Variants in GRM7 observed in about 807,000 individuals in gnomAD.
GRM7 encodes glutamate metabotropic receptor 7.
GRM7 carries 35 observed loss-of-function variants against 84.5 expected under a neutral mutation model. The observed-to-expected ratio is 0.41, with a 90% CI of 0.32 to 0.55. The LOEUF is 0.55. Ranked by LOEUF, GRM7 falls within the 20% of genes least tolerant of loss-of-function variation. GRM7 has a pLI of 0.19. For synonymous variants in GRM7, 487 were observed against 455.1 expected, an observed-to-expected ratio of 1.07 and a Z score of -0.89; for missense variants, 1,003 against 1,194.6, an observed-to-expected ratio of 0.84 and a Z score of 2.36.
intron 2 of GRM7, among the ~76,000 whole-genome samples, chr3:7,256,491 G>A (rs1225260429): frequency 6.6e-6 from 1 of 152,180 alleles, no homozygotes; most frequent in African/African-American, 2.4e-5. Context: ...GCTGACTGGA[G>A]TATCTGTGTG....
intron 4 of GRM7, among the ~76,000 whole-genome samples, chr3:7,352,967 C>G (rs998193151): frequency 6.6e-6 from 1 of 152,138 alleles, no homozygotes; most frequent in Non-Finnish European, 1.5e-5. Flanking sequence ...TGTAAGCCAG[C>G]CAATGGCTTG....
chr3:7,595,633 T>C (rs1456332190), intron 8 of GRM7, among the ~76,000 whole-genome samples: 1 of 151,948 alleles, frequency 6.6e-6, no homozygotes, highest in Non-Finnish European at 1.5e-5. Flanking sequence ...AGGGATGCCA[T>C]CTTGGAGGTG....
intron 1 of GRM7, among the ~76,000 whole-genome samples, chr3:6,912,582 T>C (rs2125019277): frequency 6.6e-6 from 1 of 152,304 alleles, no homozygotes; most frequent in Admixed American, 6.5e-5. Flanking sequence ...ACAGATCAGC[T>C]GATTCTATGG....
At chr3:7,569,678 G>T (rs974847576) in intron 7 of GRM7, among the ~76,000 whole-genome samples, 12 of 152,130 alleles carry the variant, frequency 7.9e-5, no homozygotes, top group African/African-American at 2.9e-4. Context: ...CACTCACCAT[G>T]AAGGTCTACA....
chr3:7,312,145 T>G (rs151229675), intron 4 of GRM7, among the ~76,000 whole-genome samples: 86 of 152,286 alleles, frequency 5.6e-4, no homozygotes, highest in African/African-American at 1.8e-3. Flanking sequence ...TGGTAGCATT[T>G]AGGACACTAG....
At chr3:7,675,113 T>C (rs1700075880) in intron 8 of GRM7, among the ~76,000 whole-genome samples, 1 of 152,208 alleles carries the variant, frequency 6.6e-6, no homozygotes, top group Admixed American at 6.5e-5. Context: ...TGTTACATCA[T>C]TTTTATGGAA....
intron 8 of GRM7, among the ~76,000 whole-genome samples, chr3:7,615,407 T>C (rs935327542): frequency 3.3e-5 from 5 of 151,712 alleles, no homozygotes; most frequent in Non-Finnish European, 7.3e-5. Flanking sequence ...GTTTTGGTCA[T>C]TTTCTCTTGA....
At chr3:7,328,585 A>T (rs981556360) in intron 4 of GRM7, among the ~76,000 whole-genome samples, 1 of 152,122 alleles carries the variant, frequency 6.6e-6, no homozygotes, top group African/African-American at 2.4e-5. Context: ...GACAATAGAG[A>T]ATGCAATTCA....
intron 8 of GRM7, among the ~76,000 whole-genome samples, chr3:7,645,953 T>A (rs1344011902): frequency 6.6e-6 from 1 of 152,236 alleles, no homozygotes; most frequent in Non-Finnish European, 1.5e-5. Flanking sequence ...TTGGTTGTTT[T>A]AATCAGAAGG....
intron 8 of GRM7, among the ~76,000 whole-genome samples, chr3:7,643,905 T>A (rs1698482187): frequency 6.6e-6 from 1 of 152,018 alleles, no homozygotes; most frequent in Non-Finnish European, 1.5e-5. Context: ...GAGATATGAA[T>A]AATGGTTATC....
At chr3:7,159,195 A>G (rs1694546160) in intron 2 of GRM7, among the ~76,000 whole-genome samples, 1 of 152,230 alleles carries the variant, frequency 6.6e-6, no homozygotes, top group African/African-American at 2.4e-5. Flanking sequence ...AGAAATGTTG[A>G]TTTTAATGAA....
chr3:7,174,185 A>C (rs539332456), intron 2 of GRM7, among the ~76,000 whole-genome samples: 12 of 152,252 alleles, frequency 7.9e-5, no homozygotes, highest in African/African-American at 2.4e-4. Flanking sequence ...TGATGGAAAA[A>C]CACAATGTTT....
At chr3:6,944,077 TG>T (rs1697978525) in intron 1 of GRM7, among the ~76,000 whole-genome samples, 1 of 152,094 alleles carries the variant, frequency 6.6e-6, no homozygotes, top group South Asian at 2.1e-4. Flanking sequence ...AAACTTTTTT[TG>T]TGAATTCCAC....
intron 9 of GRM7, among the ~76,000 whole-genome samples, chr3:7,682,770 G>A (rs1240863572): frequency 6.6e-6 from 1 of 152,074 alleles, no homozygotes; most frequent in Non-Finnish European, 1.5e-5. Context: ...GCTTTTTTGG[G>A]TATGACATTG....
chr3:7,109,856 G>A (rs1574916227), intron 1 of GRM7, among the ~76,000 whole-genome samples: 2 of 152,086 alleles, frequency 1.3e-5, no homozygotes, highest in African/African-American at 4.8e-5. Flanking sequence ...GTTGTGGATA[G>A]TATGTTCATG....
rs146288862 is a variant in GRM7 at position 7,271,765 on chromosome 3, T to C, written c.737-26919T>C. 4.4e-3 allele frequency among the ~76,000 whole-genome samples: 672 copies of C among 152,102 alleles called. 6 individuals are homozygous for C. Among genetic ancestry groups the C allele is most frequent in the Admixed American group, 0.01 (155 of 15,278 alleles). ...AAACAATAATAGGAAGAAAAGAAAATACAAAACCAAAGCCACTTGAGAAAG... is the reference window on the plus strand; with the variant it reads ...AAACAATAATAGGAAGAAAAGAAAACACAAAACCAAAGCCACTTGAGAAAG... On this transcript the variant is annotated intron_variant, in intron 2 of 9. Transcript: ENST00000357716.
At chr3:7,643,543 G>A (rs1295827045) in intron 8 of GRM7, among the ~76,000 whole-genome samples, 2 of 152,122 alleles carry the variant, frequency 1.3e-5, no homozygotes, top group Non-Finnish European at 2.9e-5. Flanking sequence ...TTAAAACACT[G>A]TACATATTGT....
At chr3:7,136,390 A>G (rs551975915) in intron 1 of GRM7, among the ~76,000 whole-genome samples, 1 of 151,954 alleles carries the variant, frequency 6.6e-6, no homozygotes, top group South Asian at 2.1e-4. Context: ...CTGAGGCATC[A>G]TAGTTTATGT....
In GRM7 at chr3:6,861,326, C is replaced by G. The variant is rs2124923401; in HGVS notation, c.-63C>G. On this transcript the variant is annotated 5_prime_UTR_variant, in exon 1 of 10. Coordinates refer to ENST00000357716, the MANE Select transcript of GRM7 (RefSeq NM_000844.4). This position sits in a 1 kb window ranked among gnomAD's most constrained non-coding sequence, Gnocchi z 6.4. ...AGGAGCTCGCCCTGAAGGGCCCGGA[C>G]CTCGGCGAGCCCACCACCGTTCCCT... 1 of 1,392,588 alleles carries G rather than the reference C, an allele frequency of 7.2e-7. No individual in the cohort carries two copies. The highest frequency in any genetic ancestry group is 9.4e-7 in the Non-Finnish European group (1 of 1,069,408). 86.3% of individuals were successfully genotyped at this position (1,392,588 alleles called of 1,614,324 possible).
Sources: gnomAD v4.1 joint callset for allele counts (sites outside exome capture counted in the v4.1 genomes callset) on GRCh38, gnomAD v4.1.1 for gene constraint, Gnocchi (gnomAD v3.1) non-coding constraint, MANE v1.5 for transcripts, NCBI Gene and HGNC (gene_info 2026-07-23, HGNC 2026-07-21) for gene names.